BACH2: variants seen among roughly 807,000 people sequenced by gnomAD.
The protein encoded by BACH2 is BACH transcriptional regulator 2.
A neutral mutation model predicts 61.8 loss-of-function variants in BACH2; 5 were observed. That is an observed-to-expected ratio of 0.08 (90% CI 0.04 to 0.17). The LOEUF is 0.17. Ranked by LOEUF, BACH2 falls within the 10% of genes least tolerant of loss-of-function variation. The pLI, the probability that BACH2 is intolerant of heterozygous loss-of-function variation, is 1.00. For missense variants in BACH2, 824 were observed against 1,091.1 expected (o/e 0.76, Z 3.45); for synonymous variants, 446 against 440.1 (o/e 1.01, Z -0.17).
At chr6:89,989,640 T>C (rs1345867262) in intron 6 of BACH2, among the ~76,000 whole-genome samples, 3 of 152,170 alleles carry the variant, frequency 2.0e-5, no homozygotes, top group Admixed American at 2.0e-4. Context: ...ATCACCTCCA[T>C]CAAGAAGCAT....
At chr6:90,057,059 A>G (rs1780395863) in intron 5 of BACH2, among the ~76,000 whole-genome samples, 1 of 152,242 alleles carries the variant, frequency 6.6e-6, no homozygotes, top group Non-Finnish European at 1.5e-5. Flanking sequence ...CACAATTAAA[A>G]GAACTAGAAA....
At chr6:90,014,452 A>ATG (rs1777919000) in intron 5 of BACH2, among the ~76,000 whole-genome samples, 1 of 68,682 alleles carries the variant, frequency 1.5e-5, no homozygotes, top group African/African-American at 8.3e-5. Context: ...ATATATATAT[A>ATG]TATATATATA....
intron 4 of BACH2, among the ~76,000 whole-genome samples, chr6:90,194,613 C>A (rs936595754): frequency 2.6e-5 from 4 of 152,158 alleles, no homozygotes; most frequent in African/African-American, 9.7e-5. Flanking sequence ...CTGAGAGAAA[C>A]AGAAGTCTCA....
At chr6:90,138,386 T>C (rs1271785488) in intron 4 of BACH2, among the ~76,000 whole-genome samples, 1 of 152,076 alleles carries the variant, frequency 6.6e-6, no homozygotes, top group Non-Finnish European at 1.5e-5. Context: ...GCCTGTAGTC[T>C]CACCTACTTG....
chr6:89,954,152 C>T (rs1774280719), intron 6 of BACH2, among the ~76,000 whole-genome samples: 1 of 152,038 alleles, frequency 6.6e-6, no homozygotes, highest in Admixed American at 6.6e-5. Flanking sequence ...TGACCCCTGC[C>T]CTCGTAATGA....
intron 5 of BACH2, among the ~76,000 whole-genome samples, chr6:90,026,855 C>T (rs1245727682): frequency 6.6e-6 from 1 of 152,182 alleles, no homozygotes; most frequent in East Asian, 1.9e-4. Flanking sequence ...TGTTCTGAAA[C>T]ATCATCTCTG....
chr6:90,216,072 A>G (rs1171504647), intron 3 of BACH2, among the ~76,000 whole-genome samples: 1 of 152,182 alleles, frequency 6.6e-6, no homozygotes, highest in Non-Finnish European at 1.5e-5. Context: ...CCACCTTAAC[A>G]CATCAGGGAG....
chr6:90,198,934 A>G (rs1768862061), intron 4 of BACH2, among the ~76,000 whole-genome samples: 1 of 152,134 alleles, frequency 6.6e-6, no homozygotes, highest in Non-Finnish European at 1.5e-5. Context: ...GTGACGGTGA[A>G]TAAGTCTCAT....
chr6:90,258,758 G>C (rs1771064634), intron 2 of BACH2, among the ~76,000 whole-genome samples: 1 of 151,820 alleles, frequency 6.6e-6, no homozygotes, highest in Non-Finnish European at 1.5e-5. Context: ...ATAGTTTTCA[G>C]TGTACACATC....
intron 8 of BACH2, among the ~76,000 whole-genome samples, chr6:89,933,496 A>T (rs2128352603): frequency 6.6e-6 from 1 of 151,554 alleles, no homozygotes; most frequent in African/African-American, 2.4e-5. Context: ...AGAACGTGCA[A>T]CACCGAGAGT....
chr6:90,251,698 A>C (rs1166528891), intron 3 of BACH2, among the ~76,000 whole-genome samples: 2 of 152,196 alleles, frequency 1.3e-5, no homozygotes, highest in South Asian at 4.1e-4. Context: ...TGACTAATGA[A>C]GATGCAACTT....
At chr6:90,085,360 C>T (rs1415168473) in intron 5 of BACH2, among the ~76,000 whole-genome samples, 2 of 152,174 alleles carry the variant, frequency 1.3e-5, no homozygotes, top group Non-Finnish European at 2.9e-5. Context: ...CTGATTAAGA[C>T]CTTTCAGAAG....
At position 89,950,281 on chromosome 6, in the gene BACH2, T is replaced by C. The variant is rs199943623; in HGVS notation, c.1825A>G (p.Arg609Gly). The C allele has an allele frequency of 1.2e-6, 2 of 1,614,162 alleles. No homozygotes were observed. The highest frequency in any genetic ancestry group is 2.2e-5 in the East Asian group (1 of 44,882). Residue 609 changes from arginine to glycine, a missense_variant, in exon 7 of 9, where the codon AGG (arginine) becomes GGG (glycine). Arg to Gly is a moderately radical substitution (Grantham distance 125, BLOSUM62 -2). Transcript: ENST00000257749. This position sits in a 1 kb window ranked among gnomAD's most constrained non-coding sequence, Gnocchi z 5.3. The part of the protein sequence containing the change: ...ADSESCPVQD[R>G]GQEVKLPFPV... ...TGTGGGTTCCCTACCTCCTGGCCCC[T>C]GTCCTGCACAGGACACGACTCACTG...
intron 4 of BACH2, among the ~76,000 whole-genome samples, chr6:90,120,919 T>TAA (rs35366870): frequency 0.53 from 80,890 of 151,782 alleles, 22,197 homozygotes; most frequent in African/African-American, 0.63. Flanking sequence ...AGTGTGAAAA[T>TAA]AGTTATTTGT....
chr6:90,292,562 T>C (rs559434750), intron 1 of BACH2, among the ~76,000 whole-genome samples: 128 of 152,352 alleles, frequency 8.4e-4, no homozygotes, highest in African/African-American at 3.0e-3. Flanking sequence ...AGGAAGCTGA[T>C]CAATCCCTGA....
chr6:90,247,642 A>G (rs777031063), intron 3 of BACH2, among the ~76,000 whole-genome samples: 3 of 152,146 alleles, frequency 2.0e-5, no homozygotes, highest in Non-Finnish European at 4.4e-5. Flanking sequence ...TCACTCCCCT[A>G]AAGTATAGCC....
chr6:90,020,782 C>T (rs1245543831), intron 5 of BACH2, among the ~76,000 whole-genome samples: 1 of 152,012 alleles, frequency 6.6e-6, no homozygotes, highest in Non-Finnish European at 1.5e-5. Context: ...ACAACATTCC[C>T]CTCCGCCCCC....
chr6:90,275,962 T>A (rs1395478929), intron 1 of BACH2, among the ~76,000 whole-genome samples: 1 of 142,360 alleles, frequency 7.0e-6, no homozygotes, highest in Non-Finnish European at 1.6e-5. Context: ...GGGCTAGATT[T>A]CGTCTTAAAA....
At chr6:90,006,463 T>C (rs956766285) in intron 6 of BACH2, among the ~76,000 whole-genome samples, 15 of 152,172 alleles carry the variant, frequency 9.9e-5, no homozygotes, top group African/African-American at 3.6e-4. Context: ...AGCCCCAGTA[T>C]GTCATTTAGC....
Sources: gnomAD v4.1 joint callset for allele counts (sites outside exome capture counted in the v4.1 genomes callset) on GRCh38, gnomAD v4.1.1 for gene constraint, Gnocchi (gnomAD v3.1) non-coding constraint, MANE v1.5 for transcripts, NCBI Gene and HGNC (gene_info 2026-07-23, HGNC 2026-07-21) for gene names.